The following TAF9 variants were observed in gnomAD, a reference collection of about 807,000 sequenced individuals.
The protein encoded by TAF9 is TATA-box binding protein associated factor 9, also known as transcription initiation factor TFIID subunit 9.
TAF9 carries 10 observed loss-of-function variants against 16.5 expected under a neutral mutation model. The ratio of observed to expected loss-of-function variants is 0.61; its 90% CI spans 0.37 to 1.03. The LOEUF (loss-of-function observed/expected upper bound fraction) is 1.03. Among genes scored for constraint, TAF9 ranks in the 50% least tolerant of loss-of-function variants. TAF9 has a pLI of 0.01. For synonymous variants in TAF9, 105 were observed against 120.5 expected (o/e 0.87, Z 0.84); for missense variants, 288 against 319.1 (o/e 0.90, Z 0.74).
chr5:69,367,081 C>T (rs1055369324), intron 1 of TAF9, among the ~76,000 whole-genome samples: 3 of 152,058 alleles, frequency 2.0e-5, no homozygotes, highest in Admixed American at 6.5e-5. Context: ...GCATGTACTA[C>T]GATCTAATAA....
At chr5:69,367,483 C>T (rs944695359) in intron 1 of TAF9, among the ~76,000 whole-genome samples, 4 of 139,508 alleles carry the variant, frequency 2.9e-5, no homozygotes, top group African/African-American at 2.6e-5. Context: ...GCACTCCAGC[C>T]TGGCGACAGA....
Position 69,365,058 on chromosome 5 carries a change from G to A in TAF9, c.680C>T (p.Thr227Ile). 6.2e-7 allele frequency: 1 copy of A among 1,613,974 alleles called. No homozygotes were observed. The highest frequency in any genetic ancestry group is 8.5e-7 in the Non-Finnish European group (1 of 1,179,854). Reference sequence around the variant, plus strand: ...ATTTTGTGATGACATCATATTAGTGGTAATAAGAATGTTTTTGGACCCGAT... The same window carrying A: ...ATTTTGTGATGACATCATATTAGTGATAATAAGAATGTTTTTGGACCCGAT... ...SLIGSKNILI[T>I]TNMMSSQNTA... Residue 227 changes from threonine (T) to isoleucine (I), a missense_variant, in exon 3 of 3, where the codon ACC becomes ATC. Transcript: ENST00000217893.
Position 69,369,509 on chromosome 5 carries a change from T to G in TAF9, c.-157A>C. ...GCAACATGGTCCCCGCCGCGACGGC[T>G]TCGGGCGCCTCGCTCACGTGCCCTT... is the stretch of plus-strand genomic sequence containing the variant. On this transcript the variant is annotated 5_prime_UTR_variant, in exon 1 of 3. Coordinates refer to ENST00000217893, the MANE Select transcript of TAF9 (RefSeq NM_003187.5). The G allele has an allele frequency of 6.2e-7, 1 of 1,611,180 alleles. No homozygotes were observed. The highest frequency in any genetic ancestry group is 1.7e-4 in the Middle Eastern group (1 of 5,734).
At chr5:69,369,620 G>A, upstream of TAF9, 2 of 1,572,470 alleles carry the variant, frequency 1.3e-6, no homozygotes, top group Middle Eastern at 3.3e-4. Context: ...GGCGCCCCTA[G>A]CCTGCCCCGG....
At chr5:69,367,903 G>A (rs1762541933) in intron 1 of TAF9, 1 of 152,238 alleles carries the variant, frequency 6.6e-6, no homozygotes, top group Admixed American at 6.5e-5. Flanking sequence ...GGTGGCTCGC[G>A]CGTGTAATCC....
chr5:69,366,211 A>G (rs1185560957), intron 2 of TAF9, among the ~76,000 whole-genome samples: 1 of 152,176 alleles, frequency 6.6e-6, no homozygotes, highest in African/African-American at 2.4e-5. Flanking sequence ...GTTCAACTTA[A>G]AAACATTCTC....
chr5:69,369,228 C>CA (rs1404724861), intron 1 of TAF9: 2 of 66,122 alleles, frequency 3.0e-5, no homozygotes, highest in South Asian at 3.9e-4. Context: ...CTCTCTCCAC[C>CA]CCCCCCCGCC....
At chr5:69,369,411 T>C (rs540560801) in intron 1 of TAF9, 52 bp downstream of exon 1, 16 of 1,597,788 alleles carry the variant, frequency 1.0e-5, no homozygotes, top group Admixed American at 1.7e-5. Flanking sequence ...CCCAGAGCAC[T>C]CTGCGCCCCC....
intron 1 of TAF9, among the ~76,000 whole-genome samples, chr5:69,367,534 C>T (rs1466864269): frequency 6.6e-6 from 1 of 151,142 alleles, no homozygotes; most frequent in Non-Finnish European, 1.5e-5. Flanking sequence ...TTAGCCACCT[C>T]GAATCAATTA....
chr5:69,369,384 C>T (rs1762742857), intron 1 of TAF9, 79 bp downstream of exon 1: 1 of 1,540,586 alleles, frequency 6.5e-7, no homozygotes, highest in African/African-American at 1.4e-5. Context: ...GAGGGGCCCC[C>T]ACCTGGGCGC....
chr5:69,365,106 T>C lies in TAF9; in HGVS notation c.632A>G (p.Asn211Ser). ...ASIPATSAVQNVLINPSLIGS... is the reference protein window; with the variant it reads ...ASIPATSAVQSVLINPSLIGS... ...GATTAATGATGGATTAATCAGAACA[T>C]TCTGAACTGCTGAGGTTGCAGGAAT... The change falls in exon 3 of 3, where the codon AAT becomes AGT. Residue 211 changes from asparagine to serine, a missense_variant. Asn to Ser is a conservative substitution (Grantham distance 46). Coordinates refer to ENST00000217893, the MANE Select transcript of TAF9 (RefSeq NM_003187.5). 2 of 1,614,232 alleles carry C rather than the reference T, an allele frequency of 1.2e-6. No individual in the cohort carries two copies. Among genetic ancestry groups the C allele is most frequent in the Non-Finnish European group, 1.7e-6 (2 of 1,180,038 alleles).
intron 1 of TAF9, chr5:69,368,778 T>TA (rs1762655870): frequency 6.6e-6 from 1 of 152,206 alleles, no homozygotes; most frequent in African/African-American, 2.4e-5. Flanking sequence ...AAATATTCGT[T>TA]AAAGTCGTTA....
Position 69,366,753 on chromosome 5 carries a change from A to C in TAF9, c.-110-158T>G, listed in dbSNP as rs981818366. The C allele has an allele frequency of 2.1e-5, 13 of 611,254 alleles. No homozygotes were observed. In the African/African-American group the frequency reaches 2.4e-4, roughly 11 times the overall value. 37.9% of individuals were successfully genotyped at this position (611,254 alleles called of 1,614,324 possible). On this transcript the variant is annotated intron_variant, in intron 1 of 2. Coordinates refer to ENST00000217893, the MANE Select transcript of TAF9 (RefSeq NM_003187.5). The stretch of plus-strand genomic sequence containing the variant: ...GAAATGAAAAATTTCCTAATTAGCA[A>C]TCATATGTAAAATTTTTTTTTTGAG...
intron 2 of TAF9, 86 bp downstream of exon 2, chr5:69,366,417 C>T (rs1326998464): frequency 9.8e-6 from 10 of 1,020,360 alleles, no homozygotes; most frequent in Admixed American, 2.0e-5. Context: ...GTTTTTTGTA[C>T]CCTATGACAA....
At chr5:69,369,619 A>G, upstream of TAF9, 9 of 1,575,234 alleles carry the variant, frequency 5.7e-6, no homozygotes, top group Non-Finnish European at 6.9e-6. Flanking sequence ...CGGCGCCCCT[A>G]GCCTGCCCCG....
intron 1 of TAF9, among the ~76,000 whole-genome samples, chr5:69,368,405 T>C (rs1762607982): frequency 6.6e-6 from 1 of 152,220 alleles, no homozygotes; most frequent in African/African-American, 2.4e-5. Flanking sequence ...TCAAGTCCAC[T>C]ATAATACACC....
At chr5:69,366,766 T>A (rs576234549) in intron 1 of TAF9, 171 bp from the exon 2 acceptor site, 16 of 487,412 alleles carry the variant, frequency 3.3e-5, no homozygotes, top group Non-Finnish European at 4.8e-5. Flanking sequence ...ATATGTAAAA[T>A]TTTTTTTTTG....
At chr5:69,365,858 G>T in intron 2 of TAF9, 104 bp from the exon 3 acceptor site, 1 of 816,306 alleles carries the variant, frequency 1.2e-6, no homozygotes, top group Non-Finnish European at 1.7e-6. Flanking sequence ...ATGTTAAACT[G>T]TAAAAAAATT....
chr5:69,369,244 C>CCCCCCCCCCCCCCCCCCCCA, intron 1 of TAF9: 1 of 266,128 alleles, frequency 3.8e-6, no homozygotes, highest in Non-Finnish European at 7.0e-6. Flanking sequence ...CCGCCCCCCC[C>CCCCCCCCCCCCCCCCCCCCA]CGGAGCCTCA....
Sources: gnomAD v4.1 joint callset for allele counts (sites outside exome capture counted in the v4.1 genomes callset) on GRCh38, gnomAD v4.1.1 for gene constraint, MANE v1.5 for transcripts, NCBI Gene and HGNC (gene_info 2026-07-23, HGNC 2026-07-21) for gene names.